Variants in SLC2A2 observed in about 807,000 individuals in gnomAD.
SLC2A2 encodes the protein solute carrier family 2, facilitated glucose transporter member 2.
A neutral mutation model predicts 54.5 loss-of-function variants in SLC2A2; 36 were observed. The observed-to-expected ratio is 0.66, with a 90% CI of 0.51 to 0.87. The LOEUF (loss-of-function observed/expected upper bound fraction) is 0.87. Among genes scored for constraint, SLC2A2 ranks in the 40% least tolerant of loss-of-function variants. The pLI is 0.00. For missense variants in SLC2A2, 543 were observed against 624.3 expected (o/e 0.87, Z 1.39); for synonymous variants, 223 against 219.1 (o/e 1.02, Z -0.16).
Position 171,009,854 on chromosome 3 carries a change from C to T in SLC2A2, c.496+104G>A, listed in dbSNP as rs140390462. ...TCCCTCTGTGATGTCACCCTAGACT[C>T]AAAAATATCCCTGAGTGCTACCACA... is the stretch of plus-strand genomic sequence containing the variant. On this transcript the variant is annotated intron_variant, in intron 4 of 10. Coordinates refer to ENST00000314251, the MANE Select transcript of SLC2A2 (RefSeq NM_000340.2). 343 of 1,480,798 alleles carry T rather than the reference C, an allele frequency of 2.3e-4. 2 individuals carry two copies. In the African/African-American group the frequency reaches 4.5e-3, roughly 20 times the overall value. The allele number at this position is 1,480,798 out of a possible 1,614,324, so 91.7% of individuals were successfully genotyped here. A position where few individuals can be genotyped will look rare whatever the true frequency, so the allele number is the denominator to read the frequency against.
At chr3:171,008,001 C>T (rs931484167) in intron 4 of SLC2A2, among the ~76,000 whole-genome samples, 1 of 152,128 alleles carries the variant, frequency 6.6e-6, no homozygotes, top group Non-Finnish European at 1.5e-5. Flanking sequence ...CTTAAATGCA[C>T]ATGTAATCAG....
intron 5 of SLC2A2, among the ~76,000 whole-genome samples, chr3:171,006,431 A>T (rs952643027): frequency 6.6e-6 from 1 of 152,096 alleles, no homozygotes; most frequent in African/African-American, 2.4e-5. Context: ...CGTACTTGAT[A>T]TCTAAAGCAA....
chr3:171,017,471 C>G (rs1408978930), intron 2 of SLC2A2, among the ~76,000 whole-genome samples: 1 of 152,192 alleles, frequency 6.6e-6, no homozygotes, highest in Non-Finnish European at 1.5e-5. Flanking sequence ...TATCCACACC[C>G]TGCAGTATCT....
chr3:171,015,973 A>G (rs145905077), intron 2 of SLC2A2, among the ~76,000 whole-genome samples: 83 of 152,236 alleles, frequency 5.5e-4, no homozygotes, highest in Middle Eastern at 6.8e-3. Flanking sequence ...ATTCCTCTCA[A>G]TGATGATTTG....
intron 7 of SLC2A2, among the ~76,000 whole-genome samples, chr3:171,004,027 T>C (rs1463856189): frequency 6.6e-6 from 1 of 152,064 alleles, no homozygotes. Context: ...TAGGTCATTC[T>C]GCTATCCATC....
chr3:171,026,142 T>G (rs1716682595), intron 1 of SLC2A2, among the ~76,000 whole-genome samples: 1 of 152,200 alleles, frequency 6.6e-6, no homozygotes, highest in Non-Finnish European at 1.5e-5. Context: ...GTAATATTAT[T>G]TAAGATGCAG....
At chr3:171,019,101 A>ATGTGTGTGTGTGTGTGTG (rs1191462850) in intron 1 of SLC2A2, among the ~76,000 whole-genome samples, 3 of 61,378 alleles carry the variant, frequency 4.9e-5, no homozygotes, top group African/African-American at 2.8e-4. Flanking sequence ...GTGTGTGTAT[A>ATGTGTGTGTGTGTGTGTG]TATATATATA....
At chr3:170,999,243 G>T in intron 8 of SLC2A2, 77 bp from the exon 9 acceptor site, 1 of 938,862 alleles carries the variant, frequency 1.1e-6, no homozygotes, top group Non-Finnish European at 1.8e-6. Context: ...CATTTTTACT[G>T]CCAAAGAGGT....
chr3:171,006,983 G>T (rs1715641168), intron 5 of SLC2A2, among the ~76,000 whole-genome samples, 165 bp downstream of exon 5: 1 of 152,002 alleles, frequency 6.6e-6, no homozygotes, highest in Admixed American at 6.6e-5. Context: ...ACCACTGGTA[G>T]AATTGGCTTT....
chr3:171,007,149 T>A lies in SLC2A2; in HGVS notation c.611A>T (p.Gln204Leu). Residue 204 changes from glutamine to leucine, a missense_variant and splice_region_variant, in exon 5 of 11, where the codon CAG becomes CTG. Coordinates refer to ENST00000314251, the MANE Select transcript of SLC2A2 (RefSeq NM_000340.2). ...GGGATAAGGATGGGGAGTTTTTACC[T>A]GACTAATAAGAATGCCCGTGACGAT... ...LAIVTGILIS[Q>L]IIGLEFILGN... The A allele has an allele frequency of 1.3e-6, 2 of 1,597,194 alleles. No homozygotes were observed.
At chr3:171,009,912 G>GGTGTGTGTGTGT (rs71176588) in intron 4 of SLC2A2, 46 bp downstream of exon 4, 50 of 1,325,608 alleles carry the variant, frequency 3.8e-5, no homozygotes, top group South Asian at 1.7e-4. Flanking sequence ...GACAAAGGTA[G>GGTGTGTGTGTGT]GTGTGTGTGT....
At chr3:171,006,171 G>A in intron 5 of SLC2A2, 66 bp from the exon 6 acceptor site, 4 of 1,458,544 alleles carry the variant, frequency 2.7e-6, no homozygotes, top group Non-Finnish European at 3.8e-6. Context: ...ACACTAGTTT[G>A]TTGAAAAAGT....
At position 171,005,993 on chromosome 3, in the gene SLC2A2, C is replaced by T. The variant is rs769089021; in HGVS notation, c.725G>A (p.Ser242Asn). The change falls in exon 6 of 11, where the codon AGC (serine) becomes AAC (asparagine). Residue 242 changes from serine to asparagine, a missense_variant. Around this residue, in one of 3 missense-constraint regions of SLC2A2, gnomAD observed 318 missense variants for 343.8 expected, o/e 0.93. Coordinates refer to ENST00000314251, the MANE Select transcript of SLC2A2 (RefSeq NM_000340.2). ...QSLLLFFCPE[S>N]PRYLYIKLDE... ...TAACTTGATGTAAAGGTATCTGGGG[C>T]TTTCTGGACAGAAAAAGAGTAGCAG... The T allele has an allele frequency of 1.2e-6, 2 of 1,612,590 alleles. No homozygotes were observed. Among genetic ancestry groups the T allele is most frequent in the Non-Finnish European group, 1.7e-6 (2 of 1,179,028 alleles).
chr3:171,004,984 G>A (rs1018124383), intron 7 of SLC2A2, among the ~76,000 whole-genome samples: 1 of 151,752 alleles, frequency 6.6e-6, no homozygotes, highest in Non-Finnish European at 1.5e-5. Flanking sequence ...GTTTTTTGGG[G>A]GAGGGTTGTA....
rs1383321283 is a variant in SLC2A2 at position 171,014,394 on chromosome 3, T to C, written c.371+75A>G. 13 of 1,491,592 alleles carry C rather than the reference T, an allele frequency of 8.7e-6. No homozygotes were observed. In the Admixed American group the frequency reaches 1.7e-4, roughly 19 times the overall value. The allele number at this position is 1,491,592 out of a possible 1,614,324, so 92.4% of individuals were successfully genotyped here. ...AGCTATTCCACAAGAAGAAAGATAA[T>C]ATTTTTCTAAACAAGTGTTAGGAAA... On this transcript the variant is annotated intron_variant, in intron 3 of 10. Coordinates refer to ENST00000314251, the MANE Select transcript of SLC2A2 (RefSeq NM_000340.2).
At chr3:171,007,293 G>C in intron 4 of SLC2A2, 30 bp from the exon 5 acceptor site, 1 of 1,282,158 alleles carries the variant, frequency 7.8e-7, no homozygotes, top group Non-Finnish European at 1.1e-6. Flanking sequence ...AAATGTTAAA[G>C]TGCAACCAGG....
chr3:171,005,521 G>T lies in SLC2A2; in HGVS notation c.776-49C>A, dbSNP rs747265661. The T allele has an allele frequency of 3.0e-5, 44 of 1,458,732 alleles. No individual in the cohort carries two copies. The South Asian group carries it at 4.1e-4, about 14-fold the overall frequency. 90.4% of individuals were successfully genotyped at this position (1,458,732 alleles called of 1,614,324 possible). A position where few individuals can be genotyped will look rare whatever the true frequency, so the allele number is the denominator to read the frequency against. On this transcript the variant is annotated intron_variant, in intron 6 of 10. Coordinates refer to ENST00000314251, the MANE Select transcript of SLC2A2 (RefSeq NM_000340.2). ...GAAACAACTCAGGCCAAAACAAAAA[G>T]AAATTTATTTTTATGTTAATGAAAG...
chr3:171,013,682 A>G (rs966120938), intron 3 of SLC2A2, among the ~76,000 whole-genome samples: 18 of 152,194 alleles, frequency 1.2e-4, no homozygotes, highest in African/African-American at 3.6e-4. Context: ...AATTTTTCAT[A>G]TATTATTTTT....
chr3:171,008,522 C>G (rs1027162695), intron 4 of SLC2A2, among the ~76,000 whole-genome samples: 1 of 151,954 alleles, frequency 6.6e-6, no homozygotes, highest in Admixed American at 6.6e-5. Flanking sequence ...AGAATAGGGC[C>G]AAACATAATT....
Sources: gnomAD v4.1 joint callset for allele counts (sites outside exome capture counted in the v4.1 genomes callset) on GRCh38, gnomAD v4.1.1 for gene constraint, gnomAD v4.1.1 regional missense constraint, MANE v1.5 for transcripts, NCBI Gene and HGNC (gene_info 2026-07-23, HGNC 2026-07-21) for gene names.